The following BDP1 variants were observed in gnomAD, a reference collection of about 807,000 sequenced individuals.
BDP1 encodes the protein transcription factor TFIIIB component B'' homolog.
BDP1 carries 169 observed loss-of-function variants against 266.6 expected under a neutral mutation model. That is an observed-to-expected ratio of 0.63 (90% confidence interval 0.56 to 0.72). BDP1 has a LOEUF of 0.72. Among genes scored for constraint, BDP1 ranks in the 30% least tolerant of loss-of-function variants. The probability of loss-of-function intolerance (pLI) is 0.00; values close to 1 mark genes in which losing one functional copy is unlikely to be tolerated. For synonymous variants in BDP1, 1,090 were observed against 1,022.4 expected, an observed-to-expected ratio of 1.07 and a Z score of -1.26; for missense variants, 3,015 against 3,053.8, an observed-to-expected ratio of 0.99 and a Z score of 0.30.
In BDP1 at chr5:71,467,490, A is replaced by C; in HGVS notation, c.919+3A>C. On this transcript the variant is annotated splice_donor_region_variant and intron_variant, in intron 6 of 38. Transcript: ENST00000358731. ...CTCTAAACCATGGTCAAATAAAGGT[A>C]ACTAATTTTCATTTAAAAATGTGTA... The C allele has an allele frequency of 1.3e-6, 2 of 1,583,958 alleles. No individual in the cohort carries two copies. Among genetic ancestry groups the C allele is most frequent in the Non-Finnish European group, 1.7e-6 (2 of 1,163,048 alleles).
chr5:71,468,421 T>C (rs533567830), intron 6 of BDP1, among the ~76,000 whole-genome samples: 1 of 151,972 alleles, frequency 6.6e-6, no homozygotes, highest in Non-Finnish European at 1.5e-5. Flanking sequence ...GTGTTGAGAT[T>C]ATAGGCGTGA....
At chr5:71,526,181 C>A (rs1221125862) in intron 25 of BDP1, among the ~76,000 whole-genome samples, 2 of 152,188 alleles carry the variant, frequency 1.3e-5, no homozygotes, top group Non-Finnish European at 2.9e-5. Context: ...CTCCGTCTGC[C>A]ATCCCGGCAC....
chr5:71,531,301 T>C (rs555685010), intron 25 of BDP1, among the ~76,000 whole-genome samples: 1 of 152,188 alleles, frequency 6.6e-6, no homozygotes, highest in South Asian at 2.1e-4. Flanking sequence ...AACCAGACTA[T>C]ATTGTATGTA....
intron 30 of BDP1, among the ~76,000 whole-genome samples, chr5:71,543,537 T>C (rs972924826): frequency 6.6e-6 from 1 of 152,144 alleles, no homozygotes; most frequent in Non-Finnish European, 1.5e-5. Flanking sequence ...AATTGTGATA[T>C]TGCCACTGCA....
chr5:71,533,191 G>A lies in BDP1; in HGVS notation c.5892+764G>A, dbSNP rs1046699061. The stretch of plus-strand genomic sequence containing the variant: ...TCCATTCATCCATTCATGAACATTT[G>A]GATTATTTTCATTTTTTGTGTGTTA... On this transcript the variant is annotated intron_variant, in intron 26 of 38. Transcript: ENST00000358731. 2.0e-5 allele frequency among the ~76,000 whole-genome samples: 3 copies of A among 151,978 alleles called. No individual in the cohort carries two copies. The South Asian group carries it at 6.2e-4, about 32-fold the overall frequency.
the BDP1 span, among the ~76,000 whole-genome samples, chr5:71,575,310 A>C: frequency 1.3e-5 from 2 of 152,224 alleles, no homozygotes; most frequent in African/African-American, 4.8e-5. Context: ...GATGGAGGTC[A>C]TTGATATTTC....
At chr5:71,462,305 C>G (rs550877438) in intron 3 of BDP1, among the ~76,000 whole-genome samples, 1 of 152,226 alleles carries the variant, frequency 6.6e-6, no homozygotes, top group South Asian at 2.1e-4. Context: ...ATAAATAGCA[C>G]TTTTATAGTA....
At chr5:71,521,631 G>A (rs531290663) in intron 22 of BDP1, among the ~76,000 whole-genome samples, 2 of 152,240 alleles carry the variant, frequency 1.3e-5, no homozygotes, top group African/African-American at 4.8e-5. Flanking sequence ...ATCTTTGCCA[G>A]TTGCTAAAAT....
rs190202597 is a variant in BDP1, at chr5:71,494,024, A to T, written c.1641-1226A>T. ...TTGTAATGTGAAGGCCTCAGGTAAG[A>T]CATTTCTATTAAGACGTAGAAAACA... On this transcript the variant is annotated intron_variant, in intron 11 of 38. Transcript: ENST00000358731. Among the ~76,000 whole-genome samples the T allele has an allele frequency of 3.4e-3, 523 of 152,358 alleles. 3 individuals carry two copies. The highest frequency in any genetic ancestry group is 0.012 in the African/African-American group (495 of 41,590).
intron 30 of BDP1, among the ~76,000 whole-genome samples, chr5:71,543,455 C>T (rs562035859): frequency 6.6e-6 from 1 of 152,124 alleles, no homozygotes; most frequent in Admixed American, 6.5e-5. Flanking sequence ...TAACAGTTAG[C>T]CAGACGTGGT....
intron 37 of BDP1, among the ~76,000 whole-genome samples, chr5:71,561,396 T>G (rs1433491430): frequency 6.6e-6 from 1 of 152,138 alleles, no homozygotes; most frequent in Non-Finnish European, 1.5e-5. Flanking sequence ...AGCGAAACTG[T>G]CTCAAAAAAT....
At chr5:71,498,186 G>A (rs1051370145) in intron 13 of BDP1, among the ~76,000 whole-genome samples, 3 of 152,034 alleles carry the variant, frequency 2.0e-5, no homozygotes, top group South Asian at 2.1e-4. Flanking sequence ...TCCTGACCTC[G>A]TGATCTGCCT....
At chr5:71,568,764 C>T (rs376237577), downstream of BDP1, among the ~76,000 whole-genome samples, 17 of 152,314 alleles carry the variant, frequency 1.1e-4, 1 homozygote, top group African/African-American at 4.1e-4. Context: ...CTTGCTAATT[C>T]GTGCTTTCCA....
chr5:71,569,619 G>A (rs551710978), downstream of BDP1, among the ~76,000 whole-genome samples: 103 of 152,262 alleles, frequency 6.8e-4, no homozygotes, highest in African/African-American at 2.0e-3. Flanking sequence ...GCTAGCACGC[G>A]CCTGTGGTCC....
At chr5:71,513,863 CGCGTGCT>C (rs910364348) in intron 19 of BDP1, among the ~76,000 whole-genome samples, 3 of 151,828 alleles carry the variant, frequency 2.0e-5, no homozygotes, top group African/African-American at 7.3e-5. Flanking sequence ...GGACTACAGG[CGCGTGCT>C]GCCATGTCCG....
At position 71,566,026 on chromosome 5, in the gene BDP1, T is replaced by G. The variant is rs764120695; in HGVS notation, c.*1141T>G. The G allele has an allele frequency of 1.8e-5, 4 of 223,234 alleles. No homozygotes were observed. The South Asian group carries it at 1.9e-4, about 11-fold the overall frequency. The allele number at this position is 223,234 out of a possible 1,614,324, so 13.8% of individuals were successfully genotyped here. ...TGTTTGTCTCCTTTTTCTGTTTAATTTTAAAGATATTTAAAATGATATAAC... is the reference window on the plus strand; with the variant it reads ...TGTTTGTCTCCTTTTTCTGTTTAATGTTAAAGATATTTAAAATGATATAAC... On this transcript the variant is annotated 3_prime_UTR_variant, in exon 39 of 39. Coordinates refer to ENST00000358731, the MANE Select transcript of BDP1 (RefSeq NM_018429.3).
chr5:71,471,276 A>G (rs1436034607), intron 7 of BDP1, among the ~76,000 whole-genome samples: 2 of 150,270 alleles, frequency 1.3e-5, no homozygotes, highest in African/African-American at 4.9e-5. Flanking sequence ...CCTAGTAGCT[A>G]GGATTACAGG....
intron 37 of BDP1, among the ~76,000 whole-genome samples, chr5:71,561,350 G>C (rs570212455): frequency 1.1e-4 from 17 of 150,096 alleles, no homozygotes; most frequent in African/African-American, 4.2e-4. Flanking sequence ...GCGGTGAGCC[G>C]AGATTGTGCC....
downstream of BDP1, among the ~76,000 whole-genome samples, chr5:71,569,817 T>A (rs181522382): frequency 0.02 from 3,023 of 151,982 alleles, 99 homozygotes; most frequent in African/African-American, 0.069. Flanking sequence ...AAAAAAAAAA[T>A]CTGCAGGTGA....
Sources: gnomAD v4.1 joint callset for allele counts (sites outside exome capture counted in the v4.1 genomes callset) on GRCh38, gnomAD v4.1.1 for gene constraint, MANE v1.5 for transcripts, NCBI Gene and HGNC (gene_info 2026-07-23, HGNC 2026-07-21) for gene names.